The following ELL variants were observed in gnomAD, a reference collection of about 807,000 sequenced individuals.
ELL encodes the protein RNA polymerase II elongation factor ELL.
ELL carries 18 observed loss-of-function variants against 64.0 expected under a neutral mutation model. The ratio of observed to expected loss-of-function variants is 0.28; its 90% CI spans 0.19 to 0.42. The LOEUF is 0.42. Ranked by LOEUF, ELL falls within the 10% of genes least tolerant of loss-of-function variation. The pLI is 1.00. For missense variants in ELL, 797 were observed against 870.4 expected (o/e 0.92, Z 1.06); for synonymous variants, 399 against 376.2 (o/e 1.06, Z -0.70).
intron 8 of ELL, 150 bp downstream of exon 8, chr19:18,450,327 G>T: frequency 2.3e-6 from 3 of 1,328,824 alleles, no homozygotes; most frequent in Non-Finnish European, 3.0e-6. Context: ...CAGGTGCCAG[G>T]CACACAGGGC....
intron 1 of ELL, among the ~76,000 whole-genome samples, chr19:18,492,759 C>G (rs948569633): frequency 6.6e-6 from 1 of 152,156 alleles, no homozygotes; most frequent in Non-Finnish European, 1.5e-5. Context: ...AGTCAGAAAG[C>G]AGGGCTGGAG....
chr19:18,511,355 G>C (rs1976018896), intron 1 of ELL, among the ~76,000 whole-genome samples: 2 of 152,008 alleles, frequency 1.3e-5, no homozygotes, highest in Non-Finnish European at 2.9e-5. Context: ...GCTTCAACCT[G>C]GGAGGCAGAG....
intron 6 of ELL, among the ~76,000 whole-genome samples, chr19:18,456,010 T>C (rs899093182): frequency 6.0e-5 from 9 of 151,056 alleles, no homozygotes; most frequent in African/African-American, 2.0e-4. Context: ...GGCAGGAGAA[T>C]GGCTTGAACC....
intron 1 of ELL, among the ~76,000 whole-genome samples, chr19:18,504,614 C>T (rs1048462579): frequency 2.0e-5 from 3 of 152,160 alleles, no homozygotes; most frequent in Non-Finnish European, 4.4e-5. Flanking sequence ...GAGCCTGGCA[C>T]CGCCCACAGG....
chr19:18,520,637 G>A (rs553901473), intron 1 of ELL, among the ~76,000 whole-genome samples: 3 of 152,148 alleles, frequency 2.0e-5, no homozygotes, highest in East Asian at 3.9e-4. Flanking sequence ...CTTAGCTAAT[G>A]GAGCTGAACA....
chr19:18,514,663 T>C (rs111484485), intron 1 of ELL, among the ~76,000 whole-genome samples: 152 of 152,298 alleles, frequency 1.0e-3, no homozygotes, highest in Non-Finnish European at 1.9e-3. Flanking sequence ...ACAGGTGAGA[T>C]TGAAGACAAC....
intron 1 of ELL, among the ~76,000 whole-genome samples, chr19:18,482,899 C>T (rs747139012): frequency 2.0e-5 from 3 of 151,754 alleles, no homozygotes; most frequent in Non-Finnish European, 4.4e-5. Context: ...CAAGAATCCT[C>T]CCACCTTATC....
At chr19:18,491,068 T>G (rs1975522213) in intron 1 of ELL, among the ~76,000 whole-genome samples, 1 of 152,124 alleles carries the variant, frequency 6.6e-6, no homozygotes. Flanking sequence ...GAGATTAACA[T>G]TTAAATCAGT....
intron 2 of ELL, chr19:18,471,325 T>C (rs1003654008): frequency 3.9e-5 from 17 of 433,060 alleles, no homozygotes; most frequent in African/African-American, 3.5e-4. Flanking sequence ...AAGTAAGCTA[T>C]GGTTGTGCCA....
At chr19:18,506,974 T>C (rs1057065959) in intron 1 of ELL, among the ~76,000 whole-genome samples, 2 of 151,916 alleles carry the variant, frequency 1.3e-5, no homozygotes, top group African/African-American at 4.8e-5. Flanking sequence ...TCCTACATTA[T>C]GGGGTCATGT....
chr19:18,512,177 T>C (rs373432983), intron 1 of ELL, among the ~76,000 whole-genome samples: 1 of 150,552 alleles, frequency 6.6e-6, no homozygotes. Context: ...GAAAAAAAAT[T>C]AGTTGAGTGT....
At position 18,470,557 on chromosome 19, in the gene ELL, T is replaced by G. The variant is rs1242161081; in HGVS notation, c.183+2278A>C. 5.3e-5 allele frequency among the ~76,000 whole-genome samples: 8 copies of G among 152,220 alleles called. No individual in the cohort carries two copies. In the East Asian group the frequency reaches 1.3e-3, roughly 26 times the overall value. The stretch of plus-strand genomic sequence containing the variant: ...CCAAAGGGTGACCACAAGACCCAAC[T>G]GGGGCTGATGGAAGTGTGGGGTTGT... On this transcript the variant is annotated intron_variant, in intron 2 of 11. Coordinates refer to ENST00000262809, the MANE Select transcript of ELL (RefSeq NM_006532.4).
At chr19:18,519,921 C>A (rs1427369012) in intron 1 of ELL, among the ~76,000 whole-genome samples, 1 of 152,138 alleles carries the variant, frequency 6.6e-6, no homozygotes, top group East Asian at 1.9e-4. Context: ...TATAATCCAG[C>A]CAGCCAAGTT....
chr19:18,446,710 A>C, intron 9 of ELL, 38 bp downstream of exon 9: 17 of 1,612,130 alleles, frequency 1.1e-5, no homozygotes, highest in Non-Finnish European at 1.4e-5. Context: ...AACCCAGAAA[A>C]GGGAGGCCTG....
At chr19:18,484,047 C>A (rs927363294) in intron 1 of ELL, among the ~76,000 whole-genome samples, 6 of 152,236 alleles carry the variant, frequency 3.9e-5, no homozygotes, top group African/African-American at 1.4e-4. Flanking sequence ...TGGGCACCTG[C>A]TGCACAAGTA....
chr19:18,467,901 TACAC>T (rs1192120996), intron 2 of ELL, among the ~76,000 whole-genome samples: 1 of 26,010 alleles, frequency 3.8e-5, no homozygotes, highest in South Asian at 1.1e-3. Context: ...AACCCCTCCA[TACAC>T]AATCTCCCCA....
rs546552437 is a variant in ELL at position 18,478,832 on chromosome 19, G to A, written c.136-5950C>T. Among the ~76,000 whole-genome samples, 375 of 152,354 alleles carry A rather than the reference G, an allele frequency of 2.5e-3. 5 individuals carry two copies. Among genetic ancestry groups the A allele is most frequent in the Non-Finnish European group, 3.2e-3 (217 of 68,018 alleles). ...GGCCTGGGCGCCCACTGGGGCTACTGAACACAGACTGGGAGACTCCTGTAG... is the reference window on the plus strand; with the variant it reads ...GGCCTGGGCGCCCACTGGGGCTACTAAACACAGACTGGGAGACTCCTGTAG... On this transcript the variant is annotated intron_variant, in intron 1 of 11. Coordinates refer to ENST00000262809, the MANE Select transcript of ELL (RefSeq NM_006532.4).
At chr19:18,454,571 T>C (rs1173679103) in intron 6 of ELL, among the ~76,000 whole-genome samples, 1 of 152,028 alleles carries the variant, frequency 6.6e-6, no homozygotes, top group African/African-American at 2.4e-5. Context: ...CTGGGCATAA[T>C]GGCTCATGCC....
At chr19:18,482,308 C>CTTTTT (rs530594631) in intron 1 of ELL, among the ~76,000 whole-genome samples, 1,352 of 77,508 alleles carry the variant, frequency 0.017, 314 homozygotes, top group African/African-American at 0.076. Flanking sequence ...CTTTTCATTC[C>CTTTTT]TTTTTTTTTT....
Sources: gnomAD v4.1 joint callset for allele counts (sites outside exome capture counted in the v4.1 genomes callset) on GRCh38, gnomAD v4.1.1 for gene constraint, MANE v1.5 for transcripts, NCBI Gene and HGNC (gene_info 2026-07-23, HGNC 2026-07-21) for gene names.